Variants in DIS3L2 observed in about 807,000 individuals in gnomAD.
The protein encoded by DIS3L2 is DIS3 like 3'-5' exoribonuclease 2, also known as DIS3-like exonuclease 2.
Under a neutral mutation model 97.5 loss-of-function variants are expected in DIS3L2, and 34 were observed. That is an observed-to-expected ratio of 0.35 (90% CI 0.27 to 0.46). The LOEUF is 0.46. Among genes scored for constraint, DIS3L2 ranks in the 20% least tolerant of loss-of-function variants. The pLI, the probability that DIS3L2 is intolerant of heterozygous loss-of-function variation, is 1.00. For missense variants in DIS3L2, 1,038 were observed against 1,146.0 expected, an observed-to-expected ratio of 0.91 and a Z score of 1.36; for synonymous variants, 435 against 445.2, an observed-to-expected ratio of 0.98 and a Z score of 0.29.
chr2:232,119,073 G>A (rs1697814563), intron 6 of DIS3L2, among the ~76,000 whole-genome samples: 2 of 152,006 alleles, frequency 1.3e-5, no homozygotes, highest in African/African-American at 2.4e-5. Context: ...CCCTTTTGTC[G>A]AGTAGTAGGC....
Position 232,247,642 on chromosome 2 carries a change from GGA to G in DIS3L2, c.1318-1595_1318-1594del, listed in dbSNP as rs1559173668. On this transcript the variant is annotated intron_variant, in intron 11 of 20. Transcript: ENST00000325385. Reference sequence around the variant, plus strand: ...GGGGGGGGGGGGGGGGGGGCGGGGGGGAGGGTGCCAATTCAGTCCCTAGGATA... The same window carrying G: ...GGGGGGGGGGGGGGGGGGGCGGGGGGGGGTGCCAATTCAGTCCCTAGGATA... Among the ~76,000 whole-genome samples the G allele has an allele frequency of 1.3e-3, 88 of 66,172 alleles. 6 individuals are homozygous for G. Among genetic ancestry groups the G allele is most frequent in the African/African-American group, 2.2e-3 (47 of 21,700 alleles). 43.4% of individuals were successfully genotyped at this position (66,172 alleles called of 152,430 possible).
intron 6 of DIS3L2, among the ~76,000 whole-genome samples, chr2:232,101,505 T>C (rs1195738298): frequency 6.6e-6 from 1 of 152,236 alleles, no homozygotes; most frequent in Non-Finnish European, 1.5e-5. Context: ...TTCTAAGCAC[T>C]TTGTAATTAA....
chr2:232,088,889 A>G (rs1406782417), intron 6 of DIS3L2, among the ~76,000 whole-genome samples: 2 of 152,228 alleles, frequency 1.3e-5, no homozygotes, highest in Non-Finnish European at 2.9e-5. Flanking sequence ...AATTTTATGT[A>G]TACTATTAAT....
chr2:232,316,419 T>C (rs1467477227), intron 14 of DIS3L2, among the ~76,000 whole-genome samples: 1 of 151,954 alleles, frequency 6.6e-6, no homozygotes, highest in African/African-American at 2.4e-5. Flanking sequence ...GGCCCTGCCC[T>C]GTCTTTGTCT....
intron 5 of DIS3L2, among the ~76,000 whole-genome samples, chr2:232,077,562 C>T (rs1696230505): frequency 6.6e-6 from 1 of 152,136 alleles, no homozygotes; most frequent in South Asian, 2.1e-4. Context: ...TTATGTGATG[C>T]CCATCCCACC....
intron 14 of DIS3L2, among the ~76,000 whole-genome samples, chr2:232,310,809 T>C (rs1695106424): frequency 6.6e-6 from 1 of 152,114 alleles, no homozygotes. Context: ...TGCCCATGGG[T>C]CCAGGAGCAG....
rs529449591 is a variant in DIS3L2, at chr2:232,026,979, A to G, written c.264+2649A>G. Among the ~76,000 whole-genome samples the G allele has an allele frequency of 1.1e-3, 170 of 152,230 alleles. 1 individual carries two copies. Among genetic ancestry groups the G allele is most frequent in the Middle Eastern group, 3.4e-3 (1 of 294 alleles). On this transcript the variant is annotated intron_variant, in intron 4 of 20. Transcript: ENST00000325385. ...TCTCAGAGAAAAACAATTCACCTCT[A>G]GGTAATTAAGAATAGATCATAAGAG...
intron 13 of DIS3L2, among the ~76,000 whole-genome samples, chr2:232,342,252 CAT>C (rs1041563788): frequency 2.8e-4 from 34 of 122,684 alleles, no homozygotes; most frequent in South Asian, 1.4e-3. Context: ...CATATATACA[CAT>C]ACACACATAC....
intron 16 of DIS3L2, chr2:232,331,646 G>A (rs1269229316): frequency 2.2e-4 from 33 of 152,188 alleles, no homozygotes; most frequent in Admixed American, 9.8e-4. Context: ...GTGCCCACTG[G>A]GCTCTCTCTG....
intron 10 of DIS3L2, among the ~76,000 whole-genome samples, chr2:232,232,965 G>A (rs894206567): frequency 6.6e-6 from 1 of 152,298 alleles, no homozygotes; most frequent in Non-Finnish European, 1.5e-5. Context: ...TAGACACCCA[G>A]AGTGGGGCCC....
At chr2:232,121,827 A>C (rs1288317445) in intron 6 of DIS3L2, among the ~76,000 whole-genome samples, 1 of 151,640 alleles carries the variant, frequency 6.6e-6, no homozygotes, top group Non-Finnish European at 1.5e-5. Context: ...CCCACACCCT[A>C]CTCTACCTCA....
At chr2:232,199,156 C>T (rs966399844) in intron 9 of DIS3L2, among the ~76,000 whole-genome samples, 7 of 152,144 alleles carry the variant, frequency 4.6e-5, no homozygotes, top group African/African-American at 1.7e-4. Flanking sequence ...CTACTGGTTC[C>T]TACAACTTGG....
chr2:232,049,797 T>C (rs1574837445), intron 5 of DIS3L2, among the ~76,000 whole-genome samples: 1 of 152,388 alleles, frequency 6.6e-6, no homozygotes. Flanking sequence ...GTTTCTTATA[T>C]ATGTTATTTC....
At chr2:232,032,179 C>T (rs1694822998) in intron 5 of DIS3L2, among the ~76,000 whole-genome samples, 1 of 152,176 alleles carries the variant, frequency 6.6e-6, no homozygotes, top group African/African-American at 2.4e-5. Flanking sequence ...CGGTTGTTTC[C>T]TGACTTTTTA....
At chr2:232,070,831 C>G (rs982876131) in intron 5 of DIS3L2, among the ~76,000 whole-genome samples, 3 of 152,124 alleles carry the variant, frequency 2.0e-5, no homozygotes, top group Non-Finnish European at 4.4e-5. Flanking sequence ...GATCTGCCCC[C>G]CTCGGCCTCC....
At chr2:232,336,225 C>T (rs867423227) in intron 20 of DIS3L2, 9 of 1,538,782 alleles carry the variant, frequency 5.8e-6, no homozygotes, top group African/African-American at 4.1e-5. Context: ...GTGCCCTGAA[C>T]GCGGACCCAG....
chr2:232,273,622 G>A (rs1694062263), intron 13 of DIS3L2, among the ~76,000 whole-genome samples: 2 of 152,188 alleles, frequency 1.3e-5, no homozygotes, highest in African/African-American at 2.4e-5. Context: ...CAGGTGTGAG[G>A]AGCCAGGAAA....
chr2:232,024,828 C>T (rs1179534019), intron 4 of DIS3L2, among the ~76,000 whole-genome samples: 1 of 152,008 alleles, frequency 6.6e-6, no homozygotes, highest in Non-Finnish European at 1.5e-5. Flanking sequence ...GGCTCTTTAC[C>T]GTTGGGTCTT....
intron 9 of DIS3L2, among the ~76,000 whole-genome samples, chr2:232,194,252 A>G (rs1235170206): frequency 6.6e-6 from 1 of 152,102 alleles, no homozygotes; most frequent in Non-Finnish European, 1.5e-5. Context: ...GTGTGTGTAT[A>G]TACATGCTAA....
Sources: allele counts gnomAD v4.1 joint callset (sites outside exome capture counted in the v4.1 genomes callset), GRCh38; gene constraint gnomAD v4.1.1; transcripts MANE v1.5; gene names NCBI Gene and HGNC (gene_info 2026-07-23, HGNC 2026-07-21).